CMTM7: variants seen among roughly 807,000 people sequenced by gnomAD.
CMTM7 encodes the protein CKLF like MARVEL transmembrane domain containing 7, also known as CKLF-like MARVEL transmembrane domain-containing protein 7.
A neutral mutation model predicts 19.3 loss-of-function variants in CMTM7; 7 were observed. The ratio of observed to expected loss-of-function variants is 0.36; its 90% CI spans 0.21 to 0.68. The LOEUF is 0.68. Ranked by LOEUF, CMTM7 falls within the 30% of genes least tolerant of loss-of-function variation. The probability of loss-of-function intolerance (pLI) is 0.60; values close to 1 mark genes in which losing one functional copy is unlikely to be tolerated. For missense variants in CMTM7, 193 were observed against 232.6 expected (o/e 0.83, Z 1.11); for synonymous variants, 87 against 99.3 (o/e 0.88, Z 0.74).
intron 1 of CMTM7, among the ~76,000 whole-genome samples, chr3:32,404,477 T>A (rs1696061488): frequency 6.6e-6 from 1 of 152,228 alleles, no homozygotes; most frequent in Admixed American, 6.5e-5. Context: ...ACTCTTCTAA[T>A]GACTCTGTGG....
At chr3:32,430,461 C>T (rs1368938332) in intron 1 of CMTM7, among the ~76,000 whole-genome samples, 2 of 152,112 alleles carry the variant, frequency 1.3e-5, no homozygotes, top group African/African-American at 4.8e-5. Flanking sequence ...GAATTCGATT[C>T]AACCCCAGAT....
At chr3:32,442,576 G>A (rs1379515905) in intron 2 of CMTM7, among the ~76,000 whole-genome samples, 1 of 150,268 alleles carries the variant, frequency 6.7e-6, no homozygotes, top group African/African-American at 2.5e-5. Context: ...AAGCAACAGA[G>A]AATGGCTGTG....
chr3:32,443,616 T>C (rs554705777), intron 2 of CMTM7, among the ~76,000 whole-genome samples: 1 of 152,356 alleles, frequency 6.6e-6, no homozygotes, highest in South Asian at 2.1e-4. Flanking sequence ...ATGGTCACTT[T>C]GTGTTTAATT....
chr3:32,398,054 T>G (rs1695943433), intron 1 of CMTM7, among the ~76,000 whole-genome samples: 1 of 152,216 alleles, frequency 6.6e-6, no homozygotes, highest in South Asian at 2.1e-4. Flanking sequence ...CTTTGGTGCC[T>G]TTATTCAATA....
chr3:32,404,986 G>A (rs1696068595), intron 1 of CMTM7, among the ~76,000 whole-genome samples: 1 of 152,218 alleles, frequency 6.6e-6, no homozygotes, highest in Non-Finnish European at 1.5e-5. Flanking sequence ...CTGCCTTGTT[G>A]AGAGAGGGCC....
At chr3:32,434,864 C>T (rs545229957) in intron 1 of CMTM7, among the ~76,000 whole-genome samples, 3 of 152,088 alleles carry the variant, frequency 2.0e-5, no homozygotes, top group East Asian at 1.9e-4. Context: ...AGGCCAAGAA[C>T]GTGAAAAGGC....
chr3:32,451,267 A>G (rs996430907), intron 3 of CMTM7: 5 of 152,258 alleles, frequency 3.3e-5, no homozygotes, highest in African/African-American at 1.2e-4. Context: ...AACCTTGTTG[A>G]AAATCCTACC....
In CMTM7 at chr3:32,449,601, C is replaced by T. The variant is rs767477658; in HGVS notation, c.432+49C>T. 5.7e-6 allele frequency: 8 copies of T among 1,407,194 alleles called. No homozygotes were observed. In the South Asian group the frequency reaches 5.8e-5, roughly 10 times the overall value. 87.2% of individuals were successfully genotyped at this position (1,407,194 alleles called of 1,614,324 possible). ...TAGGAATGAATTCTTATTTAAAATG[C>T]TCATTTTCTTCCTGATGGGGGAAGA... On this transcript the variant is annotated intron_variant, in intron 3 of 4. Coordinates refer to ENST00000334983, the MANE Select transcript of CMTM7 (RefSeq NM_138410.4). The surrounding 1 kb of genome is among the most constrained non-coding windows in gnomAD (Gnocchi z 4.5).
chr3:32,392,777 A>G (rs1695859493), intron 1 of CMTM7, among the ~76,000 whole-genome samples: 1 of 152,168 alleles, frequency 6.6e-6, no homozygotes, highest in Non-Finnish European at 1.5e-5. Flanking sequence ...TCACCCGTGG[A>G]GCCAGGCAGG....
At chr3:32,414,333 G>T (rs1315116430) in intron 1 of CMTM7, among the ~76,000 whole-genome samples, 1 of 152,162 alleles carries the variant, frequency 6.6e-6, no homozygotes. Flanking sequence ...TCAGCACTGC[G>T]TTCACAGCTT....
intron 2 of CMTM7, among the ~76,000 whole-genome samples, chr3:32,442,391 C>T (rs1171778740): frequency 6.7e-6 from 1 of 149,270 alleles, no homozygotes; most frequent in African/African-American, 2.5e-5. Flanking sequence ...CCCAGCTACT[C>T]AGAGAGGCTG....
chr3:32,441,206 C>T (rs1405528167), intron 1 of CMTM7, among the ~76,000 whole-genome samples: 2 of 152,174 alleles, frequency 1.3e-5, no homozygotes, highest in East Asian at 3.8e-4. Context: ...GATTCAAATC[C>T]CACTTCTGCT....
chr3:32,402,569 A>G (rs1318523658), intron 1 of CMTM7, among the ~76,000 whole-genome samples: 1 of 151,702 alleles, frequency 6.6e-6, no homozygotes, highest in African/African-American at 2.4e-5. Flanking sequence ...ATTTTATTTT[A>G]TTTTATTTTT....
chr3:32,446,308 T>C (rs1696752254), intron 2 of CMTM7, among the ~76,000 whole-genome samples: 1 of 152,228 alleles, frequency 6.6e-6, no homozygotes, highest in Admixed American at 6.5e-5. Flanking sequence ...GTTTATTGTA[T>C]TTCTTACATT....
At chr3:32,406,763 C>T (rs1463194480) in intron 1 of CMTM7, among the ~76,000 whole-genome samples, 1 of 152,164 alleles carries the variant, frequency 6.6e-6, no homozygotes, top group Non-Finnish European at 1.5e-5. Flanking sequence ...GTAGAAAGAG[C>T]AGGACAAAGA....
intron 3 of CMTM7, chr3:32,451,917 C>T (rs2125644929): frequency 2.3e-6 from 1 of 440,296 alleles, no homozygotes; most frequent in African/African-American, 2.1e-5. Flanking sequence ...GCCTCGGCTT[C>T]TGGCTCTAAT....
In CMTM7 at chr3:32,455,419, G is replaced by A. The variant is rs1251259311; in HGVS notation, c.*1165G>A. 1 of 152,328 alleles carries A rather than the reference G, an allele frequency of 6.6e-6. No individual in the cohort carries two copies. Among genetic ancestry groups the A allele is most frequent in the Non-Finnish European group, 1.5e-5 (1 of 68,114 alleles). The allele number at this position is 152,328 out of a possible 1,614,324, so 9.4% of individuals were successfully genotyped here. A position where few individuals can be genotyped will look rare whatever the true frequency, so the allele number is the denominator to read the frequency against. On this transcript the variant is annotated 3_prime_UTR_variant, in exon 5 of 5. Coordinates refer to ENST00000334983, the MANE Select transcript of CMTM7 (RefSeq NM_138410.4). ...CCAGCCCCATCCTTGCCTCTGCTGA[G>A]TGTTGCCGGAAATGGAAGCAGCCCC...
intron 1 of CMTM7, among the ~76,000 whole-genome samples, chr3:32,437,721 T>G (rs566735519): frequency 2.0e-4 from 30 of 152,146 alleles, no homozygotes; most frequent in African/African-American, 7.2e-4. Context: ...TGAAACCCTG[T>G]CTCTACTAAA....
chr3:32,401,226 C>A (rs1695997293), intron 1 of CMTM7, among the ~76,000 whole-genome samples: 1 of 152,238 alleles, frequency 6.6e-6, no homozygotes, highest in African/African-American at 2.4e-5. Flanking sequence ...AAGTTCCACT[C>A]TTGCGGAAGG....
Sources: gnomAD v4.1 joint callset for allele counts (sites outside exome capture counted in the v4.1 genomes callset) on GRCh38, gnomAD v4.1.1 for gene constraint, Gnocchi (gnomAD v3.1) non-coding constraint, MANE v1.5 for transcripts, NCBI Gene and HGNC (gene_info 2026-07-23, HGNC 2026-07-21) for gene names.